The following CNTN5 variants were observed in gnomAD, a reference collection of about 807,000 sequenced individuals.
CNTN5 encodes the protein contactin 5.
A neutral mutation model predicts 129.1 loss-of-function variants in CNTN5; 77 were observed. That is an observed-to-expected ratio of 0.60 (90% CI 0.50 to 0.72). The LOEUF is 0.72. Among genes scored for constraint, CNTN5 ranks in the 30% least tolerant of loss-of-function variants. CNTN5 has a pLI of 0.00. For synonymous variants in CNTN5, 509 were observed against 465.6 expected, an observed-to-expected ratio of 1.09 and a Z score of -1.20; for missense variants, 1,478 against 1,328.8, an observed-to-expected ratio of 1.11 and a Z score of -1.75.
At chr11:100,316,570 T>A (rs1951576552) in intron 21 of CNTN5, among the ~76,000 whole-genome samples, 1 of 152,226 alleles carries the variant, frequency 6.6e-6, no homozygotes, top group South Asian at 2.1e-4. Flanking sequence ...CATGAGAATA[T>A]GCTTCTGTCC....
intron 3 of CNTN5, among the ~76,000 whole-genome samples, chr11:99,600,530 AC>A (rs1291161911): frequency 1.3e-5 from 2 of 152,134 alleles, no homozygotes; most frequent in Non-Finnish European, 2.9e-5. Flanking sequence ...GAATACGGTC[AC>A]CCTCAATTCA....
At chr11:99,283,586 C>T (rs1225072658) in intron 1 of CNTN5, among the ~76,000 whole-genome samples, 1 of 152,082 alleles carries the variant, frequency 6.6e-6, no homozygotes, top group Non-Finnish European at 1.5e-5. Context: ...CATAGTGATA[C>T]TTGATGATAA....
chr11:100,045,111 A>G (rs937279362), intron 9 of CNTN5, among the ~76,000 whole-genome samples: 1 of 139,700 alleles, frequency 7.2e-6, no homozygotes, highest in African/African-American at 2.7e-5. Context: ...CTTGTCTTCC[A>G]TATTACTTTT....
At chr11:99,836,060 C>T (rs545049993) in intron 4 of CNTN5, among the ~76,000 whole-genome samples, 1 of 151,174 alleles carries the variant, frequency 6.6e-6, no homozygotes, top group East Asian at 1.9e-4. Flanking sequence ...TGCTGGTTAC[C>T]CATTTTAATG....
chr11:99,259,072 A>G (rs1862510652), intron 1 of CNTN5, among the ~76,000 whole-genome samples: 1 of 151,940 alleles, frequency 6.6e-6, no homozygotes, highest in South Asian at 2.1e-4. Context: ...AAGATAAGTT[A>G]ATGTAATATA....
At chr11:99,279,747 T>A (rs1863604940) in intron 1 of CNTN5, among the ~76,000 whole-genome samples, 1 of 151,742 alleles carries the variant, frequency 6.6e-6, no homozygotes, top group Admixed American at 6.6e-5. Context: ...TTCAGAATTT[T>A]AAAAATGCTT....
At chr11:99,170,604 G>C (rs897632545) in intron 1 of CNTN5, among the ~76,000 whole-genome samples, 4 of 152,182 alleles carry the variant, frequency 2.6e-5, no homozygotes, top group South Asian at 2.1e-4. Context: ...GTGAGCCAGA[G>C]AGGGAAAAAT....
At chr11:99,482,471 C>T (rs1426840829) in intron 2 of CNTN5, among the ~76,000 whole-genome samples, 1 of 152,046 alleles carries the variant, frequency 6.6e-6, no homozygotes, top group African/African-American at 2.4e-5. Flanking sequence ...ATTTCAAAAA[C>T]CCAGAAGAGT....
chr11:100,326,683 C>CAG (rs1951794177), intron 21 of CNTN5, among the ~76,000 whole-genome samples: 1 of 152,024 alleles, frequency 6.6e-6, no homozygotes, highest in Admixed American at 6.6e-5. Flanking sequence ...ATAAAGCAAT[C>CAG]ATGAATAAAT....
chr11:99,940,422 G>C (rs1162343483), intron 7 of CNTN5, among the ~76,000 whole-genome samples: 1 of 152,150 alleles, frequency 6.6e-6, no homozygotes, highest in Non-Finnish European at 1.5e-5. Context: ...GCCTTTCCAA[G>C]AGGAGTATAG....
chr11:99,807,519 ATG>A (rs1016223946), intron 3 of CNTN5, among the ~76,000 whole-genome samples: 4 of 152,080 alleles, frequency 2.6e-5, no homozygotes, highest in African/African-American at 7.2e-5. Flanking sequence ...ATTTATATAT[ATG>A]TGTGTGTGTT....
At chr11:99,984,901 T>C (rs1438525980) in intron 8 of CNTN5, among the ~76,000 whole-genome samples, 1 of 152,172 alleles carries the variant, frequency 6.6e-6, no homozygotes, top group Non-Finnish European at 1.5e-5. Flanking sequence ...CGGCCCACTG[T>C]GCTCAACCCC....
chr11:99,239,223 G>A (rs1442539439), intron 1 of CNTN5, among the ~76,000 whole-genome samples: 1 of 152,140 alleles, frequency 6.6e-6, no homozygotes, highest in Non-Finnish European at 1.5e-5. Flanking sequence ...AAAGTATAAA[G>A]ATTAGCTTCT....
intron 13 of CNTN5, among the ~76,000 whole-genome samples, chr11:100,113,569 A>G (rs1421687371): frequency 2.6e-5 from 4 of 151,960 alleles, no homozygotes; most frequent in Non-Finnish European, 4.4e-5. Flanking sequence ...GTATTGTTCA[A>G]AAGTTATTAA....
intron 1 of CNTN5, among the ~76,000 whole-genome samples, chr11:99,157,098 T>A (rs141031307): frequency 7.9e-5 from 12 of 152,162 alleles, no homozygotes; most frequent in South Asian, 2.1e-4. Flanking sequence ...TTGGTGATGA[T>A]AAGTAGCAAT....
intron 7 of CNTN5, among the ~76,000 whole-genome samples, chr11:99,941,899 T>G (rs1176163309): frequency 6.6e-6 from 1 of 152,020 alleles, no homozygotes; most frequent in Admixed American, 6.6e-5. Context: ...TAAGTAGAAC[T>G]TATAAATTTA....
At chr11:100,203,799 T>C (rs372211508) in intron 15 of CNTN5, among the ~76,000 whole-genome samples, 8 of 139,188 alleles carry the variant, frequency 5.7e-5, no homozygotes, top group East Asian at 2.3e-4. Flanking sequence ...AATGTGCACG[T>C]ACACACACAC....
intron 2 of CNTN5, among the ~76,000 whole-genome samples, chr11:99,469,427 A>G (rs1945084344): frequency 6.6e-6 from 1 of 152,122 alleles, no homozygotes; most frequent in Admixed American, 6.5e-5. Flanking sequence ...AGTATTTATT[A>G]TTTTAAAAGT....
intron 3 of CNTN5, among the ~76,000 whole-genome samples, chr11:99,817,506 A>G (rs1006124771): frequency 1.3e-5 from 2 of 151,100 alleles, no homozygotes; most frequent in African/African-American, 4.9e-5. Flanking sequence ...TCTACTTTTC[A>G]AGTTTTTCAT....
Sources: gnomAD v4.1 joint callset for allele counts (sites outside exome capture counted in the v4.1 genomes callset) on GRCh38, gnomAD v4.1.1 for gene constraint, MANE v1.5 for transcripts, NCBI Gene and HGNC (gene_info 2026-07-23, HGNC 2026-07-21) for gene names.